The following CNOT2 variants were observed in gnomAD, a reference collection of about 807,000 sequenced individuals.
CNOT2 encodes CC chemokine receptor 4-negative regulator of transcription 2.
A neutral mutation model predicts 72.1 loss-of-function variants in CNOT2; 7 were observed. The ratio of observed to expected loss-of-function variants is 0.10; its 90% CI spans 0.06 to 0.18. CNOT2 has a LOEUF of 0.18. Among genes scored for constraint, CNOT2 ranks in the 10% least tolerant of loss-of-function variants. CNOT2 has a pLI of 1.00. For synonymous variants in CNOT2, 196 were observed against 225.6 expected (o/e 0.87, Z 1.17); for missense variants, 345 against 660.3 (o/e 0.52, Z 5.23).
intron 1 of CNOT2, among the ~76,000 whole-genome samples, chr12:70,277,611 C>T (rs1259843337): frequency 2.6e-5 from 4 of 152,118 alleles, no homozygotes; most frequent in African/African-American, 7.2e-5. Flanking sequence ...ATCTCTTAAT[C>T]GTGTTAAGAA....
At chr12:70,330,545 G>A in intron 6 of CNOT2, 76 bp downstream of exon 6, 1 of 976,842 alleles carries the variant, frequency 1.0e-6, no homozygotes, top group Non-Finnish European at 1.5e-6. Context: ...TTTTCACTTT[G>A]TTCTTGAGGT....
chr12:70,245,245 GA>G (rs149198769), intron 1 of CNOT2, among the ~76,000 whole-genome samples: 2,466 of 152,014 alleles, frequency 0.016, 67 homozygotes, highest in African/African-American at 0.055. Context: ...TAAATCTAAA[GA>G]AAAAAATACA....
intron 1 of CNOT2, among the ~76,000 whole-genome samples, chr12:70,265,822 G>A (rs1959012562): frequency 6.6e-6 from 1 of 151,556 alleles, no homozygotes; most frequent in Non-Finnish European, 1.5e-5. Flanking sequence ...TTTTATTTTT[G>A]TTTTCAATCA....
intron 1 of CNOT2, among the ~76,000 whole-genome samples, chr12:70,276,752 T>C (rs2135798592): frequency 6.6e-6 from 1 of 152,110 alleles, no homozygotes; most frequent in East Asian, 1.9e-4. Flanking sequence ...ATTCCAAAGG[T>C]ATTTATAAAT....
chr12:70,316,940 T>C (rs1419926153), intron 3 of CNOT2, among the ~76,000 whole-genome samples: 2 of 152,148 alleles, frequency 1.3e-5, no homozygotes, highest in African/African-American at 4.8e-5. Context: ...AACATAAATA[T>C]CTGATGAAAA....
At chr12:70,313,358 G>C (rs911724314) in intron 3 of CNOT2, among the ~76,000 whole-genome samples, 2 of 151,788 alleles carry the variant, frequency 1.3e-5, no homozygotes, top group Non-Finnish European at 1.5e-5. Context: ...TGTAGTATAC[G>C]TATATTTGTC....
rs780720976 is a variant in CNOT2, at chr12:70,256,695, C to T, written c.-96+13215C>T. 2.4e-4 allele frequency among the ~76,000 whole-genome samples: 36 copies of T among 151,882 alleles called. No individual in the cohort carries two copies. In the Middle Eastern group the frequency reaches 0.01, roughly 44 times the overall value. ...CTTCCAAGCCTATAACCTAGAGAAC[C>T]GTTGTTAACTGAGGCAAACATTGCC... On this transcript the variant is annotated intron_variant, in intron 1 of 15. Coordinates refer to ENST00000229195, the MANE Select transcript of CNOT2 (RefSeq NM_014515.7).
intron 15 of CNOT2, among the ~76,000 whole-genome samples, chr12:70,351,482 A>G (rs925434377): frequency 6.6e-6 from 1 of 152,188 alleles, no homozygotes; most frequent in African/African-American, 2.4e-5. Context: ...TACCTATGTA[A>G]TTTCTAAATC....
At chr12:70,349,348 C>A (rs910994930) in intron 15 of CNOT2, among the ~76,000 whole-genome samples, 1 of 152,044 alleles carries the variant, frequency 6.6e-6, no homozygotes, top group Non-Finnish European at 1.5e-5. Flanking sequence ...GTGGGTGTGC[C>A]TTACTATTCA....
chr12:70,310,643 T>A (rs1309846763), intron 2 of CNOT2, among the ~76,000 whole-genome samples: 3 of 152,090 alleles, frequency 2.0e-5, no homozygotes, highest in Non-Finnish European at 4.4e-5. Context: ...ATACTTAGTT[T>A]TTTAAAAGGA....
At chr12:70,268,605 A>G (rs1050274402) in intron 1 of CNOT2, among the ~76,000 whole-genome samples, 1 of 151,412 alleles carries the variant, frequency 6.6e-6, no homozygotes, top group Non-Finnish European at 1.5e-5. Flanking sequence ...GTGTGCCATC[A>G]CGCTCAGCTT....
At chr12:70,344,689 T>A (rs2136075872) in intron 14 of CNOT2, 1 of 152,926 alleles carries the variant, frequency 6.5e-6, no homozygotes. Flanking sequence ...ATTGTGCCAT[T>A]GCACTCTAGT....
intron 6 of CNOT2, chr12:70,332,555 G>C: frequency 1.5e-6 from 1 of 681,540 alleles, no homozygotes; most frequent in Non-Finnish European, 2.0e-6. Context: ...TAACTAATCT[G>C]CCTAAAATGT....
At chr12:70,312,041 A>T (rs1876554204) in intron 3 of CNOT2, among the ~76,000 whole-genome samples, 1 of 151,854 alleles carries the variant, frequency 6.6e-6, no homozygotes, top group African/African-American at 2.4e-5. Context: ...TGATTTGAAC[A>T]TTCTTGTGTC....
intron 7 of CNOT2, among the ~76,000 whole-genome samples, chr12:70,333,146 C>T (rs752668543): frequency 2.6e-4 from 39 of 151,938 alleles, no homozygotes; most frequent in Non-Finnish European, 4.7e-4. Flanking sequence ...AAATATTTTG[C>T]TTCATAGCTT....
At chr12:70,271,397 T>TTG (rs1491008834) in intron 1 of CNOT2, among the ~76,000 whole-genome samples, 2 of 97,448 alleles carry the variant, frequency 2.1e-5, no homozygotes, top group Admixed American at 2.0e-4. Context: ...TTTTTTTTTT[T>TTG]GAGACAGGGT....
At chr12:70,291,991 G>A (rs1482343267) in intron 2 of CNOT2, among the ~76,000 whole-genome samples, 1 of 152,192 alleles carries the variant, frequency 6.6e-6, no homozygotes, top group African/African-American at 2.4e-5. Context: ...CAATATTCAC[G>A]GATGAATGCT....
At chr12:70,283,467 T>TGATTA in intron 2 of CNOT2, among the ~76,000 whole-genome samples, 1 of 142,562 alleles carries the variant, frequency 7.0e-6, no homozygotes, top group African/African-American at 2.6e-5. Flanking sequence ...GTCAGTCGAT[T>TGATTA]GATAGATAGA....
chr12:70,340,820 T>A (rs1436145021), intron 11 of CNOT2, among the ~76,000 whole-genome samples: 4 of 152,022 alleles, frequency 2.6e-5, no homozygotes, highest in Non-Finnish European at 4.4e-5. Flanking sequence ...AATCCTTTTT[T>A]AATACATTAC....
Sources: gnomAD v4.1 joint callset for allele counts (sites outside exome capture counted in the v4.1 genomes callset) on GRCh38, gnomAD v4.1.1 for gene constraint, MANE v1.5 for transcripts, NCBI Gene and HGNC (gene_info 2026-07-23, HGNC 2026-07-21) for gene names.